The following ANKRD11 variants were observed in gnomAD, a reference collection of about 807,000 sequenced individuals.
ANKRD11 encodes the protein ankyrin repeat domain 11.
Under a neutral mutation model 195.7 loss-of-function variants are expected in ANKRD11, and 17 were observed. The ratio of observed to expected loss-of-function variants is 0.09; its 90% CI spans 0.06 to 0.13. The LOEUF is 0.13. Among genes scored for constraint, ANKRD11 ranks in the 10% least tolerant of loss-of-function variants. The pLI, the probability that ANKRD11 is intolerant of heterozygous loss-of-function variation, is 1.00. For missense variants in ANKRD11, 3,735 were observed against 3,566.1 expected, an observed-to-expected ratio of 1.05 and a Z score of -1.21; for synonymous variants, 1,953 against 1,528.1, an observed-to-expected ratio of 1.28 and a Z score of -6.49.
intron 1 of ANKRD11, among the ~76,000 whole-genome samples, chr16:89,474,222 C>A (rs1324235951): frequency 6.6e-6 from 1 of 152,158 alleles, no homozygotes; most frequent in Non-Finnish European, 1.5e-5. Flanking sequence ...CGGATGAAAC[C>A]CTGAGCAGAG....
rs79220675 is a variant in ANKRD11 at position 89,398,265 on chromosome 16, G to A, written c.-60+20019C>T. Among the ~76,000 whole-genome samples, 253 of 38,820 alleles carry A rather than the reference G, an allele frequency of 6.5e-3. 1 individual carries two copies. The highest frequency in any genetic ancestry group is 0.018 in the African/African-American group (238 of 13,094). The allele number at this position is 38,820 out of a possible 152,430, so 25.5% of individuals were successfully genotyped here. On this transcript the variant is annotated intron_variant, in intron 2 of 12. Transcript: ENST00000301030. Reference sequence around the variant, plus strand: ...TGACATGAGGGACACTGTGAAACAGGTGAAGATTACCTGTGACCTCAGCAC... The same window carrying A: ...TGACATGAGGGACACTGTGAAACAGATGAAGATTACCTGTGACCTCAGCAC...
rs1056974225 is a variant in ANKRD11 at position 89,268,412 on chromosome 16, G to C, written c.*66C>G. ...ACAGGGCGCTCCCTCCTCCGCCCCTGGGGCTCAGCAGCAGTCCTGGGCAGC... is the reference window on the plus strand; with the variant it reads ...ACAGGGCGCTCCCTCCTCCGCCCCTCGGGCTCAGCAGCAGTCCTGGGCAGC... On this transcript the variant is annotated 3_prime_UTR_variant, in exon 13 of 13. Coordinates refer to ENST00000301030, the MANE Select transcript of ANKRD11 (RefSeq NM_013275.6). 9.6e-6 allele frequency: 7 copies of C among 730,704 alleles called. No homozygotes were observed. Among genetic ancestry groups the C allele is most frequent in the Non-Finnish European group, 1.5e-5 (7 of 453,754 alleles). The allele number at this position is 730,704 out of a possible 1,614,324, so 45.3% of individuals were successfully genotyped here.
chr16:89,490,177 G>C (rs1463572115), intron 1 of ANKRD11, 68 bp downstream of exon 1: 1 of 149,306 alleles, frequency 6.7e-6, no homozygotes, highest in African/African-American at 2.4e-5. Flanking sequence ...AGGCCTGCAG[G>C]CCGCAAGGCC....
chr16:89,400,847 C>T (rs957485452), intron 2 of ANKRD11, among the ~76,000 whole-genome samples: 13 of 152,102 alleles, frequency 8.5e-5, no homozygotes, highest in Admixed American at 4.6e-4. Context: ...CTGACGGGAA[C>T]CCCTGCAGCC....
At position 89,283,840 on chromosome 16, in the gene ANKRD11, C is replaced by A; in HGVS notation, c.2702G>T (p.Arg901Ile). Residue 901 changes from arginine (R) to isoleucine (I), a missense_variant, in exon 9 of 13, where the codon AGA becomes ATA. Arg to Ile is a moderately conservative substitution (Grantham distance 97, BLOSUM62 -3). Transcript: ENST00000301030. This position sits in a 1 kb window ranked among gnomAD's most constrained non-coding sequence, Gnocchi z 4.3. ...DSRAREKRDY[R>I]EPFFRKKDRD... is the part of the protein sequence containing the mutation. ...GTCCTTCTTTCGGAAGAAGGGCTCT[C>A]TGTAGTCTCGCTTCTCCCGGGCCCG... 6.2e-7 allele frequency: 1 copy of A among 1,614,172 alleles called. No homozygotes were observed. The highest frequency in any genetic ancestry group is 8.5e-7 in the Non-Finnish European group (1 of 1,180,040).
intron 2 of ANKRD11, among the ~76,000 whole-genome samples, chr16:89,337,832 A>G (rs2038451733): frequency 6.6e-6 from 1 of 152,188 alleles, no homozygotes; most frequent in Non-Finnish European, 1.5e-5. Context: ...GGCTGGAGTC[A>G]GCAATGCCTG....
At chr16:89,343,532 G>C (rs896654711) in intron 2 of ANKRD11, among the ~76,000 whole-genome samples, 22 of 152,188 alleles carry the variant, frequency 1.4e-4, no homozygotes, top group African/African-American at 4.6e-4. Flanking sequence ...AGCTCGAGGT[G>C]GGCTGGAGGC....
At chr16:89,317,783 T>C (rs1339954544) in intron 2 of ANKRD11, among the ~76,000 whole-genome samples, 1 of 152,200 alleles carries the variant, frequency 6.6e-6, no homozygotes, top group South Asian at 2.1e-4. Context: ...TCATGTTTTA[T>C]TTTAGGAAAT....
chr16:89,363,071 A>T (rs1567701468), intron 2 of ANKRD11, among the ~76,000 whole-genome samples: 2 of 152,112 alleles, frequency 1.3e-5, no homozygotes, highest in Non-Finnish European at 2.9e-5. Context: ...GGTATAAAAA[A>T]TGGCCTTGCT....
intron 1 of ANKRD11, among the ~76,000 whole-genome samples, chr16:89,427,783 A>G (rs1567790037): frequency 6.6e-6 from 1 of 151,650 alleles, no homozygotes; most frequent in Non-Finnish European, 1.5e-5. Context: ...TGGGAGACAG[A>G]GTATGCCTCA....
chr16:89,462,737 G>C (rs2056730210), intron 1 of ANKRD11, among the ~76,000 whole-genome samples: 1 of 151,544 alleles, frequency 6.6e-6, no homozygotes, highest in Non-Finnish European at 1.5e-5. Flanking sequence ...TCTGGGATGT[G>C]AGGAGCACCT....
chr16:89,457,840 C>T (rs1054768746), intron 1 of ANKRD11, among the ~76,000 whole-genome samples: 3 of 152,138 alleles, frequency 2.0e-5, no homozygotes, highest in African/African-American at 7.2e-5. Flanking sequence ...CAGGTATAAA[C>T]ATCACTGAAG....
At chr16:89,357,100 G>A (rs1318417790) in intron 2 of ANKRD11, among the ~76,000 whole-genome samples, 3 of 152,238 alleles carry the variant, frequency 2.0e-5, no homozygotes. Context: ...GGATGAGGAT[G>A]AGTCTGTAGG....
intron 2 of ANKRD11, among the ~76,000 whole-genome samples, chr16:89,318,808 G>A (rs1034196243): frequency 1.3e-5 from 2 of 152,172 alleles, no homozygotes; most frequent in African/African-American, 2.4e-5. Context: ...GGGACAGGTC[G>A]GGTCAACGTA....
intron 2 of ANKRD11, among the ~76,000 whole-genome samples, chr16:89,325,450 CT>C (rs2037649966): frequency 8.6e-5 from 2 of 23,262 alleles, no homozygotes. Flanking sequence ...CTCCCCTCTC[CT>C]CTCTCTCTCT....
chr16:89,449,441 C>A (rs768331021), intron 1 of ANKRD11, among the ~76,000 whole-genome samples: 1 of 151,938 alleles, frequency 6.6e-6, no homozygotes, highest in South Asian at 2.1e-4. Context: ...TCTGGAAATG[C>A]GTTATTTTTT....
chr16:89,386,748 C>A (rs936681890), intron 2 of ANKRD11, among the ~76,000 whole-genome samples: 5 of 152,178 alleles, frequency 3.3e-5, no homozygotes, highest in Non-Finnish European at 4.4e-5. Flanking sequence ...TGTTGGATTT[C>A]ATCAATCCAA....
intron 2 of ANKRD11, chr16:89,396,204 T>C (rs973538543): frequency 3.3e-5 from 5 of 152,202 alleles, no homozygotes; most frequent in Non-Finnish European, 7.3e-5. Context: ...AAAGTCTCCC[T>C]GGAAGAGACA....
rs529926543 is a variant in ANKRD11, at chr16:89,365,547, G to A, written c.-59-48469C>T. ...ATGGCTCCAGGATTTTCTGAAACTC[G>A]CTTTCAAAATATTTCCAAGCTCTTA... is the stretch of plus-strand genomic sequence containing the variant. On this transcript the variant is annotated intron_variant, in intron 2 of 12. Coordinates refer to ENST00000301030, the MANE Select transcript of ANKRD11 (RefSeq NM_013275.6). Among the ~76,000 whole-genome samples the A allele has an allele frequency of 8.5e-5, 13 of 152,264 alleles. No homozygotes were observed. The South Asian group carries it at 1.7e-3, about 19-fold the overall frequency.
Sources: allele counts gnomAD v4.1 joint callset (sites outside exome capture counted in the v4.1 genomes callset), GRCh38; gene constraint gnomAD v4.1.1; non-coding constraint Gnocchi (gnomAD v3.1); transcripts MANE v1.5; gene names NCBI Gene and HGNC (gene_info 2026-07-23, HGNC 2026-07-21).